Variants in SNX29 observed in about 807,000 individuals in gnomAD.
SNX29 encodes sorting nexin 29.
In SNX29, 78 loss-of-function variants were observed where a neutral mutation model predicts 102.1. That is an observed-to-expected ratio of 0.76 (90% CI 0.64 to 0.92). SNX29 has a LOEUF of 0.92. Among genes scored for constraint, SNX29 ranks in the 40% least tolerant of loss-of-function variants. The pLI is 0.00. For synonymous variants in SNX29, 580 were observed against 414.5 expected (o/e 1.40, Z -4.85); for missense variants, 1,280 against 1,061.7 (o/e 1.21, Z -2.86).
At chr16:12,242,372 T>C (rs539607229) in intron 14 of SNX29, among the ~76,000 whole-genome samples, 1 of 123,580 alleles carries the variant, frequency 8.1e-6, no homozygotes, top group African/African-American at 2.8e-5. Context: ...TATATATTTT[T>C]TTTTTTTTTT....
In SNX29 at chr16:12,009,870, A is replaced by C. The variant is rs112781852; in HGVS notation, c.122+6827A>C. Among the ~76,000 whole-genome samples the C allele has an allele frequency of 5.0e-3, 764 of 152,348 alleles. 9 individuals are homozygous for C. The highest frequency in any genetic ancestry group is 0.017 in the African/African-American group (702 of 41,576). On this transcript the variant is annotated intron_variant, in intron 3 of 20. Transcript: ENST00000566228. Reference sequence around the variant, plus strand: ...CCTAGAAGTTACCTCAAAGACTAGAAACGTGATTGTTCCGCCAAGGCGTCT... The same window carrying C: ...CCTAGAAGTTACCTCAAAGACTAGACACGTGATTGTTCCGCCAAGGCGTCT...
At chr16:12,291,811 A>G (rs778770080) in intron 15 of SNX29, among the ~76,000 whole-genome samples, 3 of 152,086 alleles carry the variant, frequency 2.0e-5, no homozygotes, top group Non-Finnish European at 4.4e-5. Context: ...TTGCTAGGGG[A>G]AGCGGATGCC....
chr16:12,502,581 AG>A (rs1335079008), intron 19 of SNX29, among the ~76,000 whole-genome samples: 2 of 152,138 alleles, frequency 1.3e-5, no homozygotes, highest in South Asian at 2.1e-4. Context: ...AGGGAAACTG[AG>A]GTTCAGAGTG....
chr16:12,178,394 C>T (rs1431779747), intron 13 of SNX29, among the ~76,000 whole-genome samples: 2 of 152,136 alleles, frequency 1.3e-5, no homozygotes, highest in African/African-American at 4.8e-5. Context: ...GAGTGTGATG[C>T]TGGAGACGTA....
intron 11 of SNX29, among the ~76,000 whole-genome samples, chr16:12,116,123 C>G (rs181666300): frequency 2.0e-5 from 3 of 152,314 alleles, no homozygotes; most frequent in African/African-American, 7.2e-5. Context: ...AACTCTCTCT[C>G]CTAATTGTGG....
At chr16:12,434,494 G>A (rs1472476462) in intron 18 of SNX29, among the ~76,000 whole-genome samples, 2 of 152,166 alleles carry the variant, frequency 1.3e-5, no homozygotes, top group East Asian at 3.9e-4. Context: ...CTGTCTCAGA[G>A]CCAGAGTGAT....
intron 19 of SNX29, among the ~76,000 whole-genome samples, chr16:12,481,157 A>G (rs1055674233): frequency 1.3e-5 from 2 of 152,122 alleles, no homozygotes; most frequent in African/African-American, 4.8e-5. Context: ...AAGCTTGAGA[A>G]TAAAAGACAC....
chr16:12,217,663 C>T (rs571263005), intron 14 of SNX29, among the ~76,000 whole-genome samples: 40 of 152,248 alleles, frequency 2.6e-4, no homozygotes, highest in Non-Finnish European at 5.1e-4. Flanking sequence ...GCTTATTTCC[C>T]CTGTAAATCT....
chr16:12,364,332 A>G (rs953780632), intron 16 of SNX29, among the ~76,000 whole-genome samples: 2 of 152,036 alleles, frequency 1.3e-5, no homozygotes, highest in Non-Finnish European at 2.9e-5. Context: ...TGAGCCACCA[A>G]ACTTGGCCTG....
chr16:12,276,661 A>G (rs1163939671), intron 14 of SNX29, among the ~76,000 whole-genome samples: 2 of 152,340 alleles, frequency 1.3e-5, no homozygotes, highest in East Asian at 3.9e-4. Context: ...GCTTGAGGCT[A>G]ATCCACATTC....
At chr16:12,187,406 T>C (rs2076537851) in intron 13 of SNX29, among the ~76,000 whole-genome samples, 1 of 151,962 alleles carries the variant, frequency 6.6e-6, no homozygotes, top group Non-Finnish European at 1.5e-5. Context: ...AGTACAAAAT[T>C]AGCCGGGTGT....
At chr16:12,476,411 T>TATATAC (rs1567603336) in intron 18 of SNX29, among the ~76,000 whole-genome samples, 1 of 18,644 alleles carries the variant, frequency 5.4e-5, no homozygotes, top group Non-Finnish European at 7.5e-5. Flanking sequence ...TATATATATA[T>TATATAC]ACATATATAT....
At chr16:12,507,839 C>T (rs961390746) in intron 19 of SNX29, among the ~76,000 whole-genome samples, 5 of 152,210 alleles carry the variant, frequency 3.3e-5, no homozygotes, top group African/African-American at 1.2e-4. Flanking sequence ...GGTGGCGCTT[C>T]TGTGCTCTGC....
intron 1 of SNX29, among the ~76,000 whole-genome samples, chr16:11,985,321 G>A (rs2055573569): frequency 6.6e-6 from 1 of 152,140 alleles, no homozygotes; most frequent in Non-Finnish European, 1.5e-5. Context: ...TGAAGCAAAA[G>A]GATGTTGTTG....
intron 20 of SNX29, among the ~76,000 whole-genome samples, chr16:12,544,893 G>T (rs1348501935): frequency 6.6e-6 from 1 of 152,182 alleles, no homozygotes; most frequent in African/African-American, 2.4e-5. Context: ...GTGGTCAGTG[G>T]GCCAGTAATC....
intron 18 of SNX29, among the ~76,000 whole-genome samples, chr16:12,468,243 C>T (rs1477436522): frequency 7.3e-6 from 1 of 137,890 alleles, no homozygotes; most frequent in Non-Finnish European, 1.5e-5. Flanking sequence ...GGTGTGATCT[C>T]AGCTCACTGT....
intron 19 of SNX29, among the ~76,000 whole-genome samples, chr16:12,487,529 A>C (rs1388043595): frequency 6.6e-6 from 1 of 152,146 alleles, no homozygotes; most frequent in East Asian, 1.9e-4. Context: ...CCAGGAATTG[A>C]GCCGAACTCT....
At chr16:12,563,118 A>G (rs78541127) in intron 20 of SNX29, among the ~76,000 whole-genome samples, 39,460 of 151,750 alleles carry the variant, frequency 0.26, 5,726 homozygotes, top group East Asian at 0.43. Flanking sequence ...AACAGAGCCT[A>G]GGAAAGGTCG....
Position 12,330,891 on chromosome 16 carries a change from T to C in SNX29, c.1783-25272T>C, listed in dbSNP as rs577255556. Among the ~76,000 whole-genome samples the C allele has an allele frequency of 2.0e-5, 3 of 152,366 alleles. No homozygotes were observed. The South Asian group carries it at 6.2e-4, about 32-fold the overall frequency. ...CCCTGCACTTGCCTGCAAAGGCTCCTGGGGCAGAGCCCTGACACAGAATGT... is the reference window on the plus strand; with the variant it reads ...CCCTGCACTTGCCTGCAAAGGCTCCCGGGGCAGAGCCCTGACACAGAATGT... On this transcript the variant is annotated intron_variant, in intron 15 of 20. Transcript: ENST00000566228.
Sources: allele counts gnomAD v4.1 joint callset (sites outside exome capture counted in the v4.1 genomes callset), GRCh38; gene constraint gnomAD v4.1.1; transcripts MANE v1.5; gene names NCBI Gene and HGNC (gene_info 2026-07-23, HGNC 2026-07-21).